The following NKAIN3 variants were observed in gnomAD, a reference collection of about 807,000 sequenced individuals.
The protein encoded by NKAIN3 is sodium/potassium-transporting ATPase subunit beta-1-interacting protein 3.
Under a neutral mutation model 30.2 loss-of-function variants are expected in NKAIN3, and 25 were observed. That is an observed-to-expected ratio of 0.83 (90% CI 0.60 to 1.16). The LOEUF (loss-of-function observed/expected upper bound fraction) is 1.16. Among genes scored for constraint, NKAIN3 ranks in the 50% most tolerant of loss-of-function variants. The pLI, the probability that NKAIN3 is intolerant of heterozygous loss-of-function variation, is 0.00. For missense variants in NKAIN3, 225 were observed against 254.1 expected (o/e 0.89, Z 0.78); for synonymous variants, 91 against 89.6 (o/e 1.02, Z -0.09).
chr8:62,324,734 C>T (rs1052464708), intron 1 of NKAIN3, among the ~76,000 whole-genome samples: 2 of 152,076 alleles, frequency 1.3e-5, no homozygotes, highest in African/African-American at 4.8e-5. Context: ...TAACTGCTCA[C>T]TAGTAAGAGC....
chr8:62,817,399 C>T (rs867184665), intron 4 of NKAIN3, among the ~76,000 whole-genome samples: 15 of 152,188 alleles, frequency 9.9e-5, no homozygotes, highest in Admixed American at 7.2e-4. Context: ...AAATTTGTTT[C>T]GAGTGGGAAG....
chr8:62,924,577 G>A (rs1301839316), intron 5 of NKAIN3, among the ~76,000 whole-genome samples: 1 of 152,172 alleles, frequency 6.6e-6, no homozygotes, highest in East Asian at 1.9e-4. Flanking sequence ...TTATATAAAT[G>A]ACAGCTCTTC....
At chr8:62,344,563 G>A (rs530953567) in intron 1 of NKAIN3, among the ~76,000 whole-genome samples, 1 of 152,062 alleles carries the variant, frequency 6.6e-6, no homozygotes, top group South Asian at 2.1e-4. Flanking sequence ...CACTACAATA[G>A]TGTATGTAGA....
intron 4 of NKAIN3, among the ~76,000 whole-genome samples, chr8:62,875,465 G>GA (rs910739877): frequency 1.3e-4 from 19 of 151,800 alleles, no homozygotes; most frequent in African/African-American, 4.4e-4. Context: ...CACAGAATTA[G>GA]AAAAAAAACT....
At chr8:62,249,298 C>T (rs568757649) in intron 1 of NKAIN3, among the ~76,000 whole-genome samples, 171 bp downstream of exon 1, 154 of 152,350 alleles carry the variant, frequency 1.0e-3, no homozygotes, top group African/African-American at 3.6e-3. Flanking sequence ...GCTCTCCAGC[C>T]GCGGGCACTC....
chr8:62,301,810 A>C (rs1814058728), intron 1 of NKAIN3, among the ~76,000 whole-genome samples: 1 of 152,106 alleles, frequency 6.6e-6, no homozygotes, highest in Non-Finnish European at 1.5e-5. Flanking sequence ...CCTTTCAAAG[A>C]AGCATATACA....
chr8:62,674,571 A>T (rs1050617619), intron 3 of NKAIN3, among the ~76,000 whole-genome samples: 6 of 152,174 alleles, frequency 3.9e-5, no homozygotes, highest in African/African-American at 1.4e-4. Flanking sequence ...AACGTAATAA[A>T]TGGCAAGGAA....
intron 4 of NKAIN3, among the ~76,000 whole-genome samples, chr8:62,890,552 T>C (rs1821269982): frequency 6.6e-6 from 1 of 152,240 alleles, no homozygotes; most frequent in African/African-American, 2.4e-5. Flanking sequence ...TTTTCCTCTG[T>C]GCTCCTTATA....
At chr8:62,523,677 TG>T (rs1452845081) in intron 1 of NKAIN3, among the ~76,000 whole-genome samples, 2 of 152,082 alleles carry the variant, frequency 1.3e-5, no homozygotes, top group East Asian at 1.9e-4. Flanking sequence ...TGGGACACTG[TG>T]GGGCCCTCCA....
chr8:62,508,196 C>A (rs532573590), intron 1 of NKAIN3, among the ~76,000 whole-genome samples: 5 of 152,248 alleles, frequency 3.3e-5, no homozygotes, highest in Middle Eastern at 3.4e-3. Flanking sequence ...ACCCTCCCTG[C>A]AAATGCAGAG....
At chr8:62,838,764 T>C (rs1241781048) in intron 4 of NKAIN3, among the ~76,000 whole-genome samples, 4 of 152,152 alleles carry the variant, frequency 2.6e-5, no homozygotes, top group East Asian at 1.9e-4. Flanking sequence ...AATAAACTCC[T>C]TAGCATTTCA....
intron 1 of NKAIN3, among the ~76,000 whole-genome samples, chr8:62,276,981 A>C (rs866617938): frequency 6.6e-6 from 1 of 152,078 alleles, no homozygotes; most frequent in African/African-American, 2.4e-5. Context: ...AAACTTTTGA[A>C]CTTTGAATTC....
In NKAIN3 at chr8:62,976,731, A is replaced by G. The variant is rs1172914395; in HGVS notation, c.*11324A>G. Among the ~76,000 whole-genome samples, 1 of 152,122 alleles carries G rather than the reference A, an allele frequency of 6.6e-6. No individual in the cohort carries two copies. Among genetic ancestry groups the G allele is most frequent in the Non-Finnish European group, 1.5e-5 (1 of 68,006 alleles). On this transcript the variant is annotated 3_prime_UTR_variant, in exon 7 of 7. Transcript: ENST00000623646. ...TGAATTTGATTCTGTCATTATGATGATAGCTGGTTATTTTGCCCATTAGTT... is the reference window on the plus strand; with the variant it reads ...TGAATTTGATTCTGTCATTATGATGGTAGCTGGTTATTTTGCCCATTAGTT...
At chr8:62,338,480 G>A (rs868797253) in intron 1 of NKAIN3, among the ~76,000 whole-genome samples, 2 of 152,006 alleles carry the variant, frequency 1.3e-5, no homozygotes, top group Non-Finnish European at 2.9e-5. Flanking sequence ...TGAAGTAATT[G>A]TGAGTTGTGA....
At chr8:62,791,144 G>A (rs73256937) in intron 4 of NKAIN3, among the ~76,000 whole-genome samples, 2,041 of 152,084 alleles carry the variant, frequency 0.013, 48 homozygotes, top group African/African-American at 0.048. Flanking sequence ...AGGCAACCTA[G>A]ATTCAAAGGA....
chr8:62,371,848 GA>G (rs1190072321), intron 1 of NKAIN3, among the ~76,000 whole-genome samples: 3 of 151,828 alleles, frequency 2.0e-5, no homozygotes, highest in Non-Finnish European at 4.4e-5. Flanking sequence ...GAATGCTAAG[GA>G]AGTTTCTAAA....
intron 4 of NKAIN3, chr8:62,864,215 A>G (rs1021179620): frequency 1.6e-5 from 11 of 697,082 alleles, no homozygotes; most frequent in Non-Finnish European, 2.7e-5. Context: ...AATACTGCGC[A>G]GAAGTGAAAC....
intron 4 of NKAIN3, chr8:62,856,558 T>C: frequency 1.3e-6 from 1 of 782,616 alleles, no homozygotes; most frequent in Admixed American, 1.7e-5. Flanking sequence ...TTAGGCACTG[T>C]CATTGCCATG....
At chr8:62,988,762 G>T (rs1006051159), downstream of NKAIN3, among the ~76,000 whole-genome samples, 2 of 152,238 alleles carry the variant, frequency 1.3e-5, no homozygotes, top group Non-Finnish European at 2.9e-5. Flanking sequence ...CATTGTCTTA[G>T]TGATTAGCAT....
Sources: gnomAD v4.1 joint callset for allele counts (sites outside exome capture counted in the v4.1 genomes callset) on GRCh38, gnomAD v4.1.1 for gene constraint, MANE v1.5 for transcripts, NCBI Gene and HGNC (gene_info 2026-07-23, HGNC 2026-07-21) for gene names.